The following CELF5 variants were observed in gnomAD, a reference collection of about 807,000 sequenced individuals.
The protein encoded by CELF5 is CUG-BP and ETR-3 like factor 5.
CELF5 carries 6 observed loss-of-function variants against 54.9 expected under a neutral mutation model. The ratio of observed to expected loss-of-function variants is 0.11; its 90% CI spans 0.06 to 0.22. CELF5 has a LOEUF of 0.22. CELF5 is among the 10% of genes least tolerant of loss of function. The pLI, the probability that CELF5 is intolerant of heterozygous loss-of-function variation, is 1.00. For missense variants in CELF5, 401 were observed against 678.6 expected, an observed-to-expected ratio of 0.59 and a Z score of 4.54; for synonymous variants, 271 against 290.9, an observed-to-expected ratio of 0.93 and a Z score of 0.70.
At chr19:3,285,407 C>G (rs2080224140) in intron 9 of CELF5, among the ~76,000 whole-genome samples, 1 of 149,822 alleles carries the variant, frequency 6.7e-6, no homozygotes, top group Admixed American at 6.7e-5. Flanking sequence ...ACCTCTGGCT[C>G]TACTTCTTAA....
In CELF5 at chr19:3,268,442, G is replaced by A. The variant is rs749433802; in HGVS notation, c.343-5430G>A. ...TGAACCATCCTGGGCACGTCAAGCT[G>A]CGAGACTCGGGGCGTCGTGTCATCT... is the stretch of plus-strand genomic sequence containing the variant. On this transcript the variant is annotated intron_variant, in intron 2 of 12. Transcript: ENST00000292672. The surrounding 1 kb of genome is among the most constrained non-coding windows in gnomAD (Gnocchi z 4.4). Among the ~76,000 whole-genome samples, 4 of 152,176 alleles carry A rather than the reference G, an allele frequency of 2.6e-5. No homozygotes were observed. The highest frequency in any genetic ancestry group is 5.9e-5 in the Non-Finnish European group (4 of 68,042).
At chr19:3,240,623 C>T (rs374100785) in intron 1 of CELF5, among the ~76,000 whole-genome samples, 71 of 152,054 alleles carry the variant, frequency 4.7e-4, no homozygotes, top group African/African-American at 1.6e-3. Context: ...CCACTGCGCC[C>T]GGCCCTACCA....
chr19:3,287,055 A>G (rs2080264438), intron 10 of CELF5, among the ~76,000 whole-genome samples: 1 of 144,932 alleles, frequency 6.9e-6, no homozygotes, highest in Non-Finnish European at 1.5e-5. Context: ...AAAAAAAAAG[A>G]AAAGAAAAGA....
At chr19:3,257,636 C>T (rs896074778) in intron 2 of CELF5, among the ~76,000 whole-genome samples, 35 of 151,086 alleles carry the variant, frequency 2.3e-4, no homozygotes, top group African/African-American at 3.9e-4. Flanking sequence ...CCACCATGCC[C>T]GGCTAATTTT....
intron 2 of CELF5, among the ~76,000 whole-genome samples, chr19:3,253,979 G>A (rs2079685177): frequency 6.6e-6 from 1 of 152,142 alleles, no homozygotes; most frequent in African/African-American, 2.4e-5. Flanking sequence ...TCCACTGTCT[G>A]AGGCCTTAGG....
At chr19:3,289,235 G>A (rs571137179) in intron 10 of CELF5, among the ~76,000 whole-genome samples, 2 of 152,174 alleles carry the variant, frequency 1.3e-5, no homozygotes, top group South Asian at 4.2e-4. Context: ...TCCCTAGCTG[G>A]GGTTTGAGAA....
At chr19:3,265,633 G>A (rs962082321) in intron 2 of CELF5, among the ~76,000 whole-genome samples, 3 of 152,064 alleles carry the variant, frequency 2.0e-5, no homozygotes, top group Non-Finnish European at 4.4e-5. Context: ...CCTAAAAGTG[G>A]AGGACCCTTC....
intron 1 of CELF5, among the ~76,000 whole-genome samples, chr19:3,250,032 C>CG (rs1348356827): frequency 6.6e-6 from 1 of 152,140 alleles, no homozygotes; most frequent in Non-Finnish European, 1.5e-5. Context: ...TCACCCTTTG[C>CG]GGGGGTGTAT....
intron 1 of CELF5, among the ~76,000 whole-genome samples, chr19:3,245,001 CTGTGCGTGTGTGTGTAGTGTGTGGTG>C (rs2079545232): frequency 7.7e-6 from 1 of 130,134 alleles, no homozygotes; most frequent in Non-Finnish European, 1.6e-5. Context: ...GTATATGCAT[CTGTGCGTGTGTGTGTAGTGTGTGGTG>C]TGTGCATGCA....
At chr19:3,230,517 A>G (rs1568326986) in intron 1 of CELF5, among the ~76,000 whole-genome samples, 1 of 152,198 alleles carries the variant, frequency 6.6e-6, no homozygotes, top group South Asian at 2.1e-4. Flanking sequence ...TAGAGGACGG[A>G]TTAGGTGAGG....
In CELF5 at chr19:3,270,152, T is replaced by C. The variant is rs551367066; in HGVS notation, c.343-3720T>C. On this transcript the variant is annotated intron_variant, in intron 2 of 12. Coordinates refer to ENST00000292672, the MANE Select transcript of CELF5 (RefSeq NM_021938.4). The stretch of plus-strand genomic sequence containing the variant: ...TCTCCCAGCTCCAACCCTGACCCCA[T>C]GGGAGAGTTTGTGTCTGGCTCTGTC... Among the ~76,000 whole-genome samples, 15 of 152,130 alleles carry C rather than the reference T, an allele frequency of 9.9e-5. 1 individual carries two copies. In the East Asian group the frequency reaches 1.9e-3, roughly 20 times the overall value.
At chr19:3,280,524 G>A (rs531552259) in intron 5 of CELF5, among the ~76,000 whole-genome samples, 36 of 152,202 alleles carry the variant, frequency 2.4e-4, no homozygotes, top group African/African-American at 5.5e-4. Context: ...GCAGTGAGCC[G>A]AGATCGCGCC....
chr19:3,244,132 G>T (rs920049917), intron 1 of CELF5, among the ~76,000 whole-genome samples: 5 of 151,968 alleles, frequency 3.3e-5, no homozygotes, highest in African/African-American at 1.2e-4. Flanking sequence ...AGCTAGAAAC[G>T]ACAAGCAAAG....
intron 1 of CELF5, among the ~76,000 whole-genome samples, chr19:3,239,614 A>T (rs1369448155): frequency 6.7e-6 from 1 of 150,286 alleles, no homozygotes; most frequent in Non-Finnish European, 1.5e-5. Flanking sequence ...TTTTTCAGGG[A>T]GCCACCATTC....
chr19:3,246,822 G>A (rs997905488), intron 1 of CELF5, among the ~76,000 whole-genome samples: 2 of 152,202 alleles, frequency 1.3e-5, no homozygotes, highest in Admixed American at 6.5e-5. Context: ...GCAATTTTTA[G>A]TGTATTCATA....
intron 5 of CELF5, among the ~76,000 whole-genome samples, chr19:3,280,033 C>T (rs375247577): frequency 2.6e-5 from 4 of 152,186 alleles, no homozygotes; most frequent in East Asian, 1.9e-4. Context: ...GATATCAGGA[C>T]CTGTTGCAGC....
At chr19:3,257,499 G>A (rs529425330) in intron 2 of CELF5, among the ~76,000 whole-genome samples, 10 of 151,842 alleles carry the variant, frequency 6.6e-5, no homozygotes, top group African/African-American at 2.2e-4. Context: ...TTTTGAGACC[G>A]AGTTTCACTC....
chr19:3,226,909 C>T (rs370751413), intron 1 of CELF5, among the ~76,000 whole-genome samples: 5 of 152,174 alleles, frequency 3.3e-5, no homozygotes, highest in Admixed American at 1.3e-4. Context: ...AGGACCATGA[C>T]GCATCCCCAG....
intron 2 of CELF5, among the ~76,000 whole-genome samples, chr19:3,271,079 G>A (rs1031127280): frequency 1.3e-5 from 2 of 151,742 alleles, no homozygotes; most frequent in African/African-American, 4.8e-5. Flanking sequence ...GGTTTCCATG[G>A]CAACAACAAT....
Sources: gnomAD v4.1 joint callset for allele counts (sites outside exome capture counted in the v4.1 genomes callset) on GRCh38, gnomAD v4.1.1 for gene constraint, Gnocchi (gnomAD v3.1) non-coding constraint, MANE v1.5 for transcripts, NCBI Gene and HGNC (gene_info 2026-07-23, HGNC 2026-07-21) for gene names.